The following CFDP1 variants were observed in gnomAD, a reference collection of about 807,000 sequenced individuals.
CFDP1 encodes heterochromatin-stabilizing protein CFDP1.
In CFDP1, 31 loss-of-function variants were observed where a neutral mutation model predicts 40.1. That is an observed-to-expected ratio of 0.77 (90% CI 0.58 to 1.04). CFDP1 has a LOEUF of 1.04. Ranked by LOEUF, CFDP1 falls within the 50% of genes least tolerant of loss-of-function variation. CFDP1 has a pLI of 0.00. For missense variants in CFDP1, 423 were observed against 343.4 expected (o/e 1.23, Z -1.83); for synonymous variants, 167 against 120.0 (o/e 1.39, Z -2.56).
chr16:75,320,454 G>GA (rs1047864783), intron 5 of CFDP1, among the ~76,000 whole-genome samples: 7 of 144,604 alleles, frequency 4.8e-5, no homozygotes, highest in African/African-American at 1.8e-4. Flanking sequence ...AAAAAAAAAA[G>GA]AAAAAAATCA....
At chr16:75,347,569 C>T (rs2078578337) in intron 5 of CFDP1, among the ~76,000 whole-genome samples, 1 of 151,802 alleles carries the variant, frequency 6.6e-6, no homozygotes, top group African/African-American at 2.4e-5. Flanking sequence ...GTCCCAGCTA[C>T]TCGGGAGGCT....
intron 5 of CFDP1, among the ~76,000 whole-genome samples, chr16:75,336,737 T>C (rs1190517382): frequency 6.6e-6 from 1 of 152,246 alleles, no homozygotes; most frequent in Non-Finnish European, 1.5e-5. Flanking sequence ...GGACTGCCAA[T>C]GGCAATCCTG....
At chr16:75,336,348 C>T (rs1479977026) in intron 5 of CFDP1, among the ~76,000 whole-genome samples, 1 of 152,122 alleles carries the variant, frequency 6.6e-6, no homozygotes, top group Non-Finnish European at 1.5e-5. Flanking sequence ...AGCTAGAGTG[C>T]CTGGGGAGGC....
chr16:75,386,972 A>G (rs907295049), intron 5 of CFDP1, among the ~76,000 whole-genome samples: 2 of 152,216 alleles, frequency 1.3e-5, no homozygotes, highest in African/African-American at 4.8e-5. Flanking sequence ...AATCTTTTAA[A>G]AACTATTTTC....
intron 6 of CFDP1, among the ~76,000 whole-genome samples, chr16:75,295,689 T>TAAGA (rs2078177396): frequency 6.6e-6 from 1 of 152,230 alleles, no homozygotes; most frequent in Non-Finnish European, 1.5e-5. Flanking sequence ...TGACAGGGCC[T>TAAGA]GCTCTTAGGT....
At position 75,364,002 on chromosome 16, in the gene CFDP1, C is replaced by T. The variant is rs570753403; in HGVS notation, c.650+31088G>A. Among the ~76,000 whole-genome samples the T allele has an allele frequency of 4.8e-5, 7 of 147,260 alleles. No homozygotes were observed. In the East Asian group the frequency reaches 9.9e-4, roughly 21 times the overall value. The stretch of plus-strand genomic sequence containing the variant: ...ATGCAATTACAAATTGAGGTAAGTG[C>T]TACAGAAAAGAATTAGGGGCTGTGA... On this transcript the variant is annotated intron_variant, in intron 5 of 6. Transcript: ENST00000283882.
chr16:75,411,064 C>G (rs1321816110), intron 4 of CFDP1, among the ~76,000 whole-genome samples: 1 of 151,734 alleles, frequency 6.6e-6, no homozygotes, highest in Non-Finnish European at 1.5e-5. Flanking sequence ...ACTAAAAACA[C>G]AAAAATAACA....
Position 75,433,409 on chromosome 16 carries a change from G to T in CFDP1, c.-57C>A. On this transcript the variant is annotated 5_prime_UTR_variant, in exon 1 of 7. Transcript: ENST00000283882. ...AAGACCGCAGCAGCCGCCTCCAACG[G>T]CAAAGCTCTAGGGAGAGACCATAGA... 1 of 1,521,154 alleles carries T rather than the reference G, an allele frequency of 6.6e-7. No individual in the cohort carries two copies. The allele number at this position is 1,521,154 out of a possible 1,614,324, so 94.2% of individuals were successfully genotyped here.
intron 5 of CFDP1, among the ~76,000 whole-genome samples, chr16:75,365,050 C>T (rs1269746531): frequency 1.3e-5 from 2 of 152,170 alleles, no homozygotes; most frequent in African/African-American, 2.4e-5. Context: ...GCTATCAACA[C>T]GACACGAATT....
intron 4 of CFDP1, among the ~76,000 whole-genome samples, chr16:75,399,129 T>C (rs1052115125): frequency 6.6e-6 from 1 of 150,928 alleles, no homozygotes; most frequent in African/African-American, 2.4e-5. Context: ...ATTACAACTG[T>C]ACAAGAGACC....
At chr16:75,341,695 A>C (rs1333584246) in intron 5 of CFDP1, among the ~76,000 whole-genome samples, 1 of 150,598 alleles carries the variant, frequency 6.6e-6, no homozygotes, top group Non-Finnish European at 1.5e-5. Context: ...CAATGCTGAC[A>C]CACTTTCCAC....
intron 5 of CFDP1, among the ~76,000 whole-genome samples, chr16:75,330,357 C>G (rs754033207): frequency 6.6e-6 from 1 of 152,200 alleles, no homozygotes; most frequent in Admixed American, 6.5e-5. Context: ...GAGGCCAAGG[C>G]AGGTGGATCA....
At chr16:75,382,121 A>C (rs901743560) in intron 5 of CFDP1, among the ~76,000 whole-genome samples, 2 of 151,290 alleles carry the variant, frequency 1.3e-5, no homozygotes, top group Non-Finnish European at 2.9e-5. Context: ...TGTCTCAAAA[A>C]AGAAAAAAAA....
Position 75,293,833 on chromosome 16 carries a change from G to C in CFDP1, c.*119C>G, listed in dbSNP as rs1172151225. ...GATACATAGACAGAACTTCAATGTA[G>C]AAAAAAAAAAGACCTTGCTGGGAAA... On this transcript the variant is annotated 3_prime_UTR_variant, in exon 7 of 7. Transcript: ENST00000283882. 1.1e-5 allele frequency: 7 copies of C among 659,278 alleles called. No homozygotes were observed. Among genetic ancestry groups the C allele is most frequent in the South Asian group, 1.1e-4 (5 of 47,350 alleles). 40.8% of individuals were successfully genotyped at this position (659,278 alleles called of 1,614,324 possible).
rs1838691464 is a variant in CFDP1 at position 75,387,893 on chromosome 16, TA to T, written c.650+7196del. 2.6e-5 allele frequency among the ~76,000 whole-genome samples: 4 copies of T among 151,998 alleles called. No individual in the cohort carries two copies. In the South Asian group the frequency reaches 8.3e-4, roughly 31 times the overall value. ...ACAAAAGTATAGAAAATGGTTATAT[TA>T]ATGAGGAAAAGCTTACAAAGGAAAA... On this transcript the variant is annotated intron_variant, in intron 5 of 6. Coordinates refer to ENST00000283882, the MANE Select transcript of CFDP1 (RefSeq NM_006324.3).
At chr16:75,361,044 C>T (rs1240330160) in intron 5 of CFDP1, among the ~76,000 whole-genome samples, 1 of 152,118 alleles carries the variant, frequency 6.6e-6, no homozygotes, top group African/African-American at 2.4e-5. Context: ...GGGTCTTACT[C>T]TATGGCCCAG....
chr16:75,350,584 C>G (rs1185029361), intron 5 of CFDP1, among the ~76,000 whole-genome samples: 1 of 152,020 alleles, frequency 6.6e-6, no homozygotes, highest in Non-Finnish European at 1.5e-5. Context: ...TAGAGGATAG[C>G]CTTAAATTAC....
intron 1 of CFDP1, among the ~76,000 whole-genome samples, chr16:75,427,162 C>T (rs953350085): frequency 4.8e-4 from 73 of 152,068 alleles, no homozygotes; most frequent in African/African-American, 1.6e-3. Context: ...AAAAGACACA[C>T]CAAAGAAGAT....
intron 4 of CFDP1, among the ~76,000 whole-genome samples, chr16:75,402,211 C>G (rs553068967): frequency 6.6e-6 from 1 of 152,124 alleles, no homozygotes; most frequent in Non-Finnish European, 1.5e-5. Flanking sequence ...CCACCTCTAA[C>G]GCACAAGAGG....
Sources: allele counts gnomAD v4.1 joint callset (sites outside exome capture counted in the v4.1 genomes callset), GRCh38; gene constraint gnomAD v4.1.1; transcripts MANE v1.5; gene names NCBI Gene and HGNC (gene_info 2026-07-23, HGNC 2026-07-21).